NUDCD3: variants seen among roughly 807,000 people sequenced by gnomAD.
The protein encoded by NUDCD3 is NudC domain containing 3.
NUDCD3 carries 13 observed loss-of-function variants against 39.7 expected under a neutral mutation model. The observed-to-expected ratio is 0.33, with a 90% CI of 0.21 to 0.52. NUDCD3 has a LOEUF of 0.52. Among genes scored for constraint, NUDCD3 ranks in the 20% least tolerant of loss-of-function variants. The pLI is 0.96. For synonymous variants in NUDCD3, 175 were observed against 172.4 expected (o/e 1.02, Z -0.12); for missense variants, 453 against 458.1 (o/e 0.99, Z 0.10).
At chr7:44,430,743 G>A (rs1585073889) in intron 2 of NUDCD3, among the ~76,000 whole-genome samples, 2 of 152,278 alleles carry the variant, frequency 1.3e-5, no homozygotes, top group East Asian at 3.9e-4. Context: ...GGACGCTGCC[G>A]CCAGCAACAG....
intron 2 of NUDCD3, chr7:44,468,009 C>A (rs1382130615): frequency 6.2e-7 from 1 of 1,612,822 alleles, no homozygotes. Context: ...TGGCGGAAAC[C>A]CAGAGGCACT....
chr7:44,387,299 T>C lies in NUDCD3; in HGVS notation c.976-1178A>G, dbSNP rs533107439. On this transcript the variant is annotated intron_variant, in intron 5 of 5. Transcript: ENST00000355451. ...CCTCAGCCTCCTGAGTACTTAAAACTATGGGTGCAGTCCACCATACCCAGC... is the reference window on the plus strand; with the variant it reads ...CCTCAGCCTCCTGAGTACTTAAAACCATGGGTGCAGTCCACCATACCCAGC... Among the ~76,000 whole-genome samples the C allele has an allele frequency of 2.7e-4, 41 of 152,334 alleles. No homozygotes were observed. The East Asian group carries it at 7.7e-3, about 29-fold the overall frequency.
intron 5 of NUDCD3, among the ~76,000 whole-genome samples, chr7:44,386,722 T>C (rs1798409307): frequency 6.6e-6 from 1 of 152,202 alleles, no homozygotes; most frequent in South Asian, 2.1e-4. Context: ...CACTGCATCC[T>C]TGCAGATGCA....
At chr7:44,421,331 TAAA>T (rs531473757) in intron 3 of NUDCD3, among the ~76,000 whole-genome samples, 2 of 124,652 alleles carry the variant, frequency 1.6e-5, no homozygotes. Flanking sequence ...AGACTCCGTC[TAAA>T]AAAAAAAAAA....
intron 3 of NUDCD3, among the ~76,000 whole-genome samples, chr7:44,407,824 T>C (rs1272304299): frequency 1.3e-5 from 2 of 151,852 alleles, no homozygotes; most frequent in African/African-American, 4.8e-5. Flanking sequence ...TAAACTTCAA[T>C]AAAGAGGCTG....
chr7:44,408,792 C>A (rs902429715), intron 3 of NUDCD3, among the ~76,000 whole-genome samples: 3 of 152,194 alleles, frequency 2.0e-5, no homozygotes, highest in African/African-American at 7.2e-5. Flanking sequence ...ACTCTCCAGG[C>A]TCTCAGCAGG....
intron 2 of NUDCD3, among the ~76,000 whole-genome samples, chr7:44,466,563 G>A (rs988259778): frequency 6.6e-6 from 1 of 152,166 alleles, no homozygotes; most frequent in African/African-American, 2.4e-5. Flanking sequence ...TCAGCCATGT[G>A]GTTCTGGGCT....
intron 2 of NUDCD3, among the ~76,000 whole-genome samples, chr7:44,469,160 T>A (rs1800200310): frequency 6.9e-6 from 1 of 145,602 alleles, no homozygotes; most frequent in Admixed American, 6.9e-5. Context: ...TTCAGTCAAC[T>A]TGAGTCAGCA....
At chr7:44,438,521 A>G (rs1799508851) in intron 2 of NUDCD3, among the ~76,000 whole-genome samples, 1 of 152,082 alleles carries the variant, frequency 6.6e-6, no homozygotes, top group Non-Finnish European at 1.5e-5. Context: ...ATGGCCTTGT[A>G]GACGTTGCAC....
At chr7:44,467,844 C>T (rs1483453231) in intron 2 of NUDCD3, 1 of 1,252,228 alleles carries the variant, frequency 8.0e-7, no homozygotes, top group Non-Finnish European at 1.1e-6. Context: ...AAAGAAAAGG[C>T]TCTCTTCCTC....
At chr7:44,410,642 G>A (rs2116881249) in intron 3 of NUDCD3, among the ~76,000 whole-genome samples, 1 of 139,180 alleles carries the variant, frequency 7.2e-6, no homozygotes, top group South Asian at 2.3e-4. Context: ...CCAGCCTGGG[G>A]GACAGAGCAA....
intron 2 of NUDCD3, among the ~76,000 whole-genome samples, chr7:44,475,600 T>A (rs1001713652): frequency 2.6e-5 from 4 of 151,796 alleles, no homozygotes; most frequent in African/African-American, 4.8e-5. Context: ...CTACAAAAAA[T>A]TTTTTAAAAA....
chr7:44,427,124 G>A (rs1457434960), intron 3 of NUDCD3, among the ~76,000 whole-genome samples: 3 of 152,176 alleles, frequency 2.0e-5, no homozygotes, highest in South Asian at 2.1e-4. Flanking sequence ...ATCACTGTGC[G>A]TTTAGTAGAC....
At chr7:44,461,654 A>G (rs1024624740) in intron 2 of NUDCD3, among the ~76,000 whole-genome samples, 7 of 152,252 alleles carry the variant, frequency 4.6e-5, no homozygotes, top group Non-Finnish European at 1.5e-5. Context: ...GAGAGAAAGG[A>G]GTCTTTCACC....
At chr7:44,469,135 A>C (rs1800198855) in intron 2 of NUDCD3, among the ~76,000 whole-genome samples, 5 of 150,312 alleles carry the variant, frequency 3.3e-5, no homozygotes, top group East Asian at 3.9e-4. Flanking sequence ...AAAAAAAAAA[A>C]AAAAAACAGG....
chr7:44,424,427 A>T (rs1799196721), intron 3 of NUDCD3, among the ~76,000 whole-genome samples: 3 of 152,116 alleles, frequency 2.0e-5, no homozygotes, highest in Non-Finnish European at 4.4e-5. Context: ...AATCTACAAG[A>T]AACTTAAACA....
intron 1 of NUDCD3, among the ~76,000 whole-genome samples, chr7:44,487,193 T>C (rs1255628549): frequency 6.6e-6 from 1 of 152,228 alleles, no homozygotes; most frequent in Admixed American, 6.5e-5. Context: ...AATTTTCACA[T>C]ACATCATTCC....
In NUDCD3 at chr7:44,379,695, C is replaced by G. The variant is rs539412959; in HGVS notation, c.*6316G>C. ...ACTCTTGCCATCACATGGCTGACCA[C>G]CTCTGGTGAGAACACTGGAGAATAG... On this transcript the variant is annotated 3_prime_UTR_variant, in exon 6 of 6. Transcript: ENST00000355451. 1 of 152,230 alleles carries G rather than the reference C, an allele frequency of 6.6e-6. No homozygotes were observed. The highest frequency in any genetic ancestry group is 2.1e-4 in the South Asian group (1 of 4,826). The allele number at this position is 152,230 out of a possible 1,614,324, so 9.4% of individuals were successfully genotyped here. A position where few individuals can be genotyped will look rare whatever the true frequency, so the allele number is the denominator to read the frequency against.
chr7:44,448,021 G>A (rs908183698), intron 2 of NUDCD3, among the ~76,000 whole-genome samples: 1 of 152,208 alleles, frequency 6.6e-6, no homozygotes, highest in Non-Finnish European at 1.5e-5. Flanking sequence ...TCTTCAGGCT[G>A]TAATGCACCT....
Sources: allele counts gnomAD v4.1 joint callset (sites outside exome capture counted in the v4.1 genomes callset), GRCh38; gene constraint gnomAD v4.1.1; transcripts MANE v1.5; gene names NCBI Gene and HGNC (gene_info 2026-07-23, HGNC 2026-07-21).